The following FRMPD4 variants were observed in gnomAD, a reference collection of about 807,000 sequenced individuals.
The protein encoded by FRMPD4 is FERM and PDZ domain-containing protein 4.
In FRMPD4, 22 loss-of-function variants were observed where a neutral mutation model predicts 94.1. The observed-to-expected ratio is 0.23, with a 90% CI of 0.17 to 0.33. FRMPD4 has a LOEUF of 0.33. FRMPD4 is among the 10% of genes least tolerant of loss of function. FRMPD4 has a pLI of 1.00. For synonymous variants in FRMPD4, 631 were observed against 548.6 expected, an observed-to-expected ratio of 1.15 and a Z score of -2.10; for missense variants, 1,111 against 1,339.9, an observed-to-expected ratio of 0.83 and a Z score of 2.67.
chrX:12,624,289 C>T lies in FRMPD4; in HGVS notation c.422+9408C>T, dbSNP rs113886547. ...TCACTTTTAACTACAGTATGAAAGT[C>T]GAAAGACAAAAGTATTAAAAAATAA... is the stretch of plus-strand genomic sequence containing the variant. On this transcript the variant is annotated intron_variant, in intron 4 of 16. Coordinates refer to ENST00000675598, the MANE Select transcript of FRMPD4 (RefSeq NM_001368397.1). 4.6e-3 allele frequency among the ~76,000 whole-genome samples: 516 copies of T among 111,642 alleles called. 7 individuals are homozygous for T. The highest frequency in any genetic ancestry group is 4.4e-3 in the Non-Finnish European group (234 of 53,075).
At chrX:12,121,397 T>C (rs1020181221) in intron 3 of FRMPD4, among the ~76,000 whole-genome samples, 3 of 112,227 alleles carry the variant, frequency 2.7e-5, no homozygotes, top group Non-Finnish European at 3.8e-5. Context: ...TTGATAAATA[T>C]TTAAACATTT....
rs769972556 is a variant in FRMPD4 at position 12,716,700 on chromosome X, C to T, written c.2241C>T (p.Asp747=). 11 of 1,209,583 alleles carry T rather than the reference C, an allele frequency of 9.1e-6. No homozygotes were observed. The highest frequency in any genetic ancestry group is 2.3e-4 in the Middle Eastern group (1 of 4,351). ...HDICYAENTD[D]AEDEDEVSCE... ...TCTGTTATGCAGAAAACACTGATGA[C>T]GCGGAGGACGAGGACGAGGTGAGCT... The change falls in exon 15 of 17, where the codon GAC becomes GAT. Residue 747 remains aspartate (D), a synonymous_variant. Coordinates refer to ENST00000675598, the MANE Select transcript of FRMPD4 (RefSeq NM_001368397.1).
intron 3 of FRMPD4, among the ~76,000 whole-genome samples, chrX:11,953,810 C>T (rs1248080820): frequency 1.8e-5 from 2 of 111,727 alleles, no homozygotes; most frequent in Non-Finnish European, 1.9e-5. Context: ...GCATTTTATC[C>T]AGATTAGTCA....
chrX:12,666,957 G>A (rs1307285150), intron 4 of FRMPD4, among the ~76,000 whole-genome samples: 1 of 112,274 alleles, frequency 8.9e-6, no homozygotes, highest in Non-Finnish European at 1.9e-5. Context: ...TTTGAAGAAC[G>A]CTGAAGTACA....
chrX:12,504,307 T>C (rs1417352359), intron 2 of FRMPD4, among the ~76,000 whole-genome samples: 1 of 112,540 alleles, frequency 8.9e-6, no homozygotes, highest in Admixed American at 9.4e-5. Flanking sequence ...TTTTTGTGGG[T>C]GTTTTTGATG....
At chrX:11,967,629 G>A (rs746171059) in intron 3 of FRMPD4, among the ~76,000 whole-genome samples, 4 of 111,263 alleles carry the variant, frequency 3.6e-5, no homozygotes, top group Admixed American at 1.9e-4. Flanking sequence ...CCAAATACTG[G>A]TCTTACTCGT....
intron 3 of FRMPD4, among the ~76,000 whole-genome samples, chrX:11,969,387 T>C (rs1046324660): frequency 8.9e-6 from 1 of 112,168 alleles, no homozygotes; most frequent in African/African-American, 3.2e-5. Flanking sequence ...ACATTGCAGA[T>C]GGGCATTGCC....
intron 1 of FRMPD4, among the ~76,000 whole-genome samples, chrX:12,161,852 G>A (rs2056031944): frequency 8.9e-6 from 1 of 111,796 alleles, no homozygotes; most frequent in South Asian, 3.7e-4. Context: ...GATAATGTGA[G>A]TATTAATGGA....
At chrX:11,850,898 A>C (rs890700839) in intron 1 of FRMPD4, among the ~76,000 whole-genome samples, 2 of 112,218 alleles carry the variant, frequency 1.8e-5, no homozygotes, top group Non-Finnish European at 3.8e-5. Flanking sequence ...CAATGATATG[A>C]ATGTACTTAA....
chrX:12,263,186 C>T (rs758488599), intron 1 of FRMPD4, among the ~76,000 whole-genome samples: 1 of 111,597 alleles, frequency 9.0e-6, no homozygotes, highest in South Asian at 3.8e-4. Context: ...GTTACTGGCA[C>T]AGGGAGAAAT....
At chrX:12,458,739 C>T (rs924900463) in intron 1 of FRMPD4, among the ~76,000 whole-genome samples, 1 of 111,547 alleles carries the variant, frequency 9.0e-6, no homozygotes, top group Non-Finnish European at 1.9e-5. Context: ...GAAACAGTCT[C>T]CACGACTTTG....
At chrX:12,643,018 A>G (rs1276025034) in intron 4 of FRMPD4, among the ~76,000 whole-genome samples, 1 of 112,439 alleles carries the variant, frequency 8.9e-6, no homozygotes, top group Non-Finnish European at 1.9e-5. Flanking sequence ...CCTATTTACT[A>G]TCTAGCTCTT....
chrX:12,033,733 T>TA (rs1450358724), intron 3 of FRMPD4, among the ~76,000 whole-genome samples: 1 of 111,819 alleles, frequency 8.9e-6, no homozygotes, highest in Admixed American at 9.4e-5. Flanking sequence ...GTTTCACTCT[T>TA]ATTACCCAGG....
intron 3 of FRMPD4, among the ~76,000 whole-genome samples, chrX:11,909,516 G>A (rs1342452106): frequency 2.8e-5 from 3 of 109,048 alleles, no homozygotes; most frequent in East Asian, 2.8e-4. Context: ...TTTATTCATC[G>A]TTTTTCTGTT....
chrX:12,468,136 AG>A (rs1393514464), intron 1 of FRMPD4, among the ~76,000 whole-genome samples: 2 of 112,320 alleles, frequency 1.8e-5, no homozygotes, highest in Non-Finnish European at 1.9e-5. Context: ...CTTATTTATT[AG>A]ACTTACCCTA....
chrX:11,994,936 G>C (rs187174475), intron 3 of FRMPD4, among the ~76,000 whole-genome samples: 59 of 111,422 alleles, frequency 5.3e-4, no homozygotes, highest in African/African-American at 1.8e-3. Context: ...TTGCATATTT[G>C]ATGTGTTATG....
intron 3 of FRMPD4, among the ~76,000 whole-genome samples, chrX:11,893,989 G>A (rs2053889178): frequency 8.9e-6 from 1 of 111,781 alleles, no homozygotes; most frequent in African/African-American, 3.3e-5. Context: ...TCAAAAAGGA[G>A]ATTATACTGG....
At chrX:12,487,957 T>C (rs1279048795) in intron 1 of FRMPD4, among the ~76,000 whole-genome samples, 1 of 112,392 alleles carries the variant, frequency 8.9e-6, no homozygotes, top group Non-Finnish European at 1.9e-5. Context: ...ACACTAGGTT[T>C]ATGTGTTTTG....
At chrX:11,908,624 C>T (rs2053980698) in intron 3 of FRMPD4, among the ~76,000 whole-genome samples, 1 of 111,811 alleles carries the variant, frequency 8.9e-6, no homozygotes, top group Non-Finnish European at 1.9e-5. Context: ...AGTAGCAGTA[C>T]TTTGCAGATT....
Sources: allele counts gnomAD v4.1 joint callset (sites outside exome capture counted in the v4.1 genomes callset), GRCh38; gene constraint gnomAD v4.1.1; transcripts MANE v1.5; gene names NCBI Gene and HGNC (gene_info 2026-07-23, HGNC 2026-07-21).